Variants in DGKB observed in about 807,000 individuals in gnomAD.
The protein encoded by DGKB is diacylglycerol kinase beta, also known as 90 kDa diacylglycerol kinase.
A neutral mutation model predicts 114.3 loss-of-function variants in DGKB; 67 were observed. That is an observed-to-expected ratio of 0.59 (90% CI 0.48 to 0.72). The LOEUF (loss-of-function observed/expected upper bound fraction) is 0.72. Among genes scored for constraint, DGKB ranks in the 30% least tolerant of loss-of-function variants. The pLI, the probability that DGKB is intolerant of heterozygous loss-of-function variation, is 0.00. For missense variants in DGKB, 907 were observed against 975.2 expected (o/e 0.93, Z 0.93); for synonymous variants, 398 against 323.1 (o/e 1.23, Z -2.49).
chr7:14,851,698 C>T (rs1354698502), intron 1 of DGKB, among the ~76,000 whole-genome samples: 1 of 152,174 alleles, frequency 6.6e-6, no homozygotes, highest in East Asian at 1.9e-4. Context: ...CATAAATTGT[C>T]ACACACTTCA....
rs146851339 is a variant in DGKB, at chr7:14,853,310, T to G, written c.-187-11860A>C. Among the ~76,000 whole-genome samples the G allele has an allele frequency of 5.6e-3, 850 of 152,178 alleles. 10 individuals are homozygous for G. The highest frequency in any genetic ancestry group is 0.019 in the African/African-American group (809 of 41,550). ...ATATTTTGACTGTATATGCTTTTAT[T>G]TTCTTCTGAAAGCATTGCCTTATAC... On this transcript the variant is annotated intron_variant, in intron 1 of 25. Transcript: ENST00000402815.
At chr7:14,269,538 T>G (rs4719397) in intron 23 of DGKB, among the ~76,000 whole-genome samples, 2 of 151,922 alleles carry the variant, frequency 1.3e-5, no homozygotes. Flanking sequence ...TTCTTACATT[T>G]ATCTGAATTC....
intron 23 of DGKB, among the ~76,000 whole-genome samples, chr7:14,197,648 T>C (rs775884869): frequency 1.3e-4 from 20 of 152,282 alleles, no homozygotes; most frequent in Admixed American, 2.6e-4. Flanking sequence ...ATTGCCACTT[T>C]TACCAGATAG....
At chr7:14,479,981 CT>C (rs1053014715) in intron 20 of DGKB, among the ~76,000 whole-genome samples, 2 of 151,932 alleles carry the variant, frequency 1.3e-5, no homozygotes, top group African/African-American at 2.4e-5. Context: ...GAATTTACTT[CT>C]GCTTGAATTG....
chr7:14,577,766 C>A (rs1190676070), intron 19 of DGKB, among the ~76,000 whole-genome samples: 3 of 152,164 alleles, frequency 2.0e-5, no homozygotes, highest in African/African-American at 7.2e-5. Context: ...GAATATCCTA[C>A]ATTCTTACAG....
intron 19 of DGKB, among the ~76,000 whole-genome samples, chr7:14,576,961 G>T (rs971320549): frequency 1.6e-4 from 24 of 152,110 alleles, no homozygotes; most frequent in African/African-American, 5.1e-4. Flanking sequence ...CTGAACTGTA[G>T]TCCCCCATTT....
At chr7:14,528,592 G>T (rs897472052) in intron 20 of DGKB, among the ~76,000 whole-genome samples, 2 of 151,974 alleles carry the variant, frequency 1.3e-5, no homozygotes, top group African/African-American at 4.8e-5. Context: ...AAATGTATTT[G>T]TATTGTCGTA....
intron 23 of DGKB, among the ~76,000 whole-genome samples, chr7:14,337,035 G>A (rs796690768): frequency 3.6e-4 from 55 of 152,220 alleles, no homozygotes; most frequent in African/African-American, 1.3e-3. Context: ...GAGTACATAC[G>A]TAGTACCTAA....
chr7:14,892,266 G>C (rs1781362533), intron 1 of DGKB, among the ~76,000 whole-genome samples: 1 of 151,240 alleles, frequency 6.6e-6, no homozygotes, highest in African/African-American at 2.4e-5. Context: ...TGGATAACGT[G>C]GAAAGAAGTA....
At chr7:14,474,542 A>G (rs1303043855) in intron 21 of DGKB, among the ~76,000 whole-genome samples, 1 of 152,214 alleles carries the variant, frequency 6.6e-6, no homozygotes, top group Non-Finnish European at 1.5e-5. Context: ...TTACACAAGG[A>G]ATTCCACACT....
intron 6 of DGKB, among the ~76,000 whole-genome samples, chr7:14,716,049 A>G (rs972793303): frequency 6.6e-6 from 1 of 152,226 alleles, no homozygotes; most frequent in Non-Finnish European, 1.5e-5. Flanking sequence ...TTACTTATAT[A>G]AACATTGACA....
At chr7:14,962,721 G>A (rs932556570) in intron 1 of DGKB, among the ~76,000 whole-genome samples, 3 of 150,824 alleles carry the variant, frequency 2.0e-5, no homozygotes, top group South Asian at 4.2e-4. Context: ...AATTGGCAAG[G>A]CTAATAAAGT....
At chr7:14,790,208 T>C (rs891218125) in intron 2 of DGKB, among the ~76,000 whole-genome samples, 3 of 152,208 alleles carry the variant, frequency 2.0e-5, no homozygotes, top group Non-Finnish European at 4.4e-5. Context: ...GTGATTTATA[T>C]GTGTTTTCCA....
chr7:14,829,322 G>C (rs918477531), intron 2 of DGKB, among the ~76,000 whole-genome samples: 1 of 152,090 alleles, frequency 6.6e-6, no homozygotes, highest in Admixed American at 6.6e-5. Flanking sequence ...GTGCCTACTT[G>C]TATAATCAGA....
At chr7:14,619,540 G>A (rs1563697426) in intron 15 of DGKB, among the ~76,000 whole-genome samples, 1 of 151,542 alleles carries the variant, frequency 6.6e-6, no homozygotes, top group Non-Finnish European at 1.5e-5. Flanking sequence ...AAATTCTGTT[G>A]CATACATAAA....
chr7:14,604,679 G>A (rs1804157909), intron 17 of DGKB, among the ~76,000 whole-genome samples: 1 of 152,098 alleles, frequency 6.6e-6, no homozygotes, highest in South Asian at 2.1e-4. Context: ...TACATTAAAA[G>A]GGAATCACTG....
intron 17 of DGKB, among the ~76,000 whole-genome samples, chr7:14,601,402 G>A (rs1803523331): frequency 6.6e-6 from 1 of 152,030 alleles, no homozygotes; most frequent in Admixed American, 6.6e-5. Flanking sequence ...CTCTTCCATT[G>A]TCTTGATGAA....
intron 13 of DGKB, among the ~76,000 whole-genome samples, chr7:14,672,347 T>C (rs1363910299): frequency 6.6e-6 from 1 of 152,148 alleles, no homozygotes; most frequent in Non-Finnish European, 1.5e-5. Context: ...CTTCTCTTCC[T>C]ACCAAGGTTC....
chr7:14,311,000 C>T (rs6980097), intron 23 of DGKB, among the ~76,000 whole-genome samples: 33,227 of 151,716 alleles, frequency 0.22, 5,999 homozygotes, highest in African/African-American at 0.5. Flanking sequence ...TGGTGGTGTG[C>T]GCCTGCAGTT....
Sources: gnomAD v4.1 joint callset for allele counts (sites outside exome capture counted in the v4.1 genomes callset) on GRCh38, gnomAD v4.1.1 for gene constraint, MANE v1.5 for transcripts, NCBI Gene and HGNC (gene_info 2026-07-23, HGNC 2026-07-21) for gene names.